CDKL2: variants seen among roughly 807,000 people sequenced by gnomAD.
CDKL2 encodes cyclin dependent kinase like 2.
In CDKL2, 64 loss-of-function variants were observed where a neutral mutation model predicts 63.9. That is an observed-to-expected ratio of 1.00 (90% CI 0.82 to 1.23). The LOEUF (loss-of-function observed/expected upper bound fraction) is 1.23. CDKL2 is among the 50% of genes most tolerant of loss of function. The pLI, the probability that CDKL2 is intolerant of heterozygous loss-of-function variation, is 0.00. For synonymous variants in CDKL2, 211 were observed against 229.2 expected (o/e 0.92, Z 0.72); for missense variants, 656 against 668.0 (o/e 0.98, Z 0.20).
At chr4:75,592,000 G>T (rs1311066411) in intron 11 of CDKL2, 75 bp from the exon 12 acceptor site, 5 of 1,315,354 alleles carry the variant, frequency 3.8e-6, no homozygotes, top group Non-Finnish European at 5.2e-6. Context: ...CATTCTCTAC[G>T]TGTTCCTCAG....
rs1730173954 is a variant in CDKL2 at position 75,621,951 on chromosome 4, T to C, written c.168+3870A>G. On this transcript the variant is annotated intron_variant, in intron 2 of 13. Transcript: ENST00000307465. ...AAAAGGGATTTAACTATACACAGAA[T>C]TTAACAATGTTACATAGCAGCAATA... 2.6e-5 allele frequency among the ~76,000 whole-genome samples: 4 copies of C among 152,148 alleles called. No homozygotes were observed. In the South Asian group the frequency reaches 8.3e-4, roughly 32 times the overall value.
chr4:75,619,977 T>C (rs1263364780), intron 2 of CDKL2, among the ~76,000 whole-genome samples: 2 of 152,128 alleles, frequency 1.3e-5, no homozygotes, highest in Non-Finnish European at 2.9e-5. Context: ...TTGAGCTCAG[T>C]AGTTTGAGAC....
chr4:75,585,112 A>G (rs1728419639), intron 12 of CDKL2, among the ~76,000 whole-genome samples: 1 of 152,242 alleles, frequency 6.6e-6, no homozygotes, highest in African/African-American at 2.4e-5. Flanking sequence ...AAGATTTACT[A>G]TGCAAACATA....
In CDKL2 at chr4:75,625,872, G is replaced by A. The variant is rs774325397; in HGVS notation, c.117C>T (p.Asp39=). The change falls in exon 2 of 14, where the codon GAC becomes GAT. Residue 39 remains aspartate (D), a synonymous_variant. Transcript: ENST00000307465. ...CAATCTTTTTAACCATTTTGTCATC[G>A]TCACTTTCTAAGAACTTCTTTATGG... ...IVAIKKFLES[D]DDKMVKKIAM... 63 of 1,612,394 alleles carry A rather than the reference G, an allele frequency of 3.9e-5. No homozygotes were observed. The highest frequency in any genetic ancestry group is 1.6e-4 in the Middle Eastern group (1 of 6,076).
rs1728083641 is a variant in CDKL2 at position 75,577,729 on chromosome 4, T to C, written c.*1473A>G. 6.6e-6 allele frequency among the ~76,000 whole-genome samples: 1 copy of C among 152,226 alleles called. No individual in the cohort carries two copies. Reference sequence around the variant, plus strand: ...TTTTTCAGCATGTTATCCATACTAATGTTGTCAAACAGCTGGTCACAGATT... The same window carrying C: ...TTTTTCAGCATGTTATCCATACTAACGTTGTCAAACAGCTGGTCACAGATT... On this transcript the variant is annotated 3_prime_UTR_variant, in exon 14 of 14. Coordinates refer to ENST00000307465, the MANE Select transcript of CDKL2 (RefSeq NM_001330724.2).
chr4:75,589,657 G>T (rs1303332943), intron 12 of CDKL2, among the ~76,000 whole-genome samples: 1 of 151,906 alleles, frequency 6.6e-6, no homozygotes, highest in Non-Finnish European at 1.5e-5. Flanking sequence ...TCCATTTTCA[G>T]GTATTTACCA....
chr4:75,623,343 G>C (rs1178466464), intron 2 of CDKL2, among the ~76,000 whole-genome samples: 1 of 152,086 alleles, frequency 6.6e-6, no homozygotes, highest in Non-Finnish European at 1.5e-5. Flanking sequence ...TAAACAAATA[G>C]ACCAATGGGA....
Position 75,577,073 on chromosome 4 carries a change from CTTAA to C in CDKL2, c.*2125_*2128del, listed in dbSNP as rs1245397280. Reference sequence around the variant, plus strand: ...GTAGTGTATATATTATTTATAGCCTCTTAATTAAATAAATCTAAATTTAAACCAT... The same window carrying C: ...GTAGTGTATATATTATTTATAGCCTCTTAAATAAATCTAAATTTAAACCAT... On this transcript the variant is annotated 3_prime_UTR_variant, in exon 14 of 14. Transcript: ENST00000307465. Among the ~76,000 whole-genome samples, 3 of 152,058 alleles carry C rather than the reference CTTAA, an allele frequency of 2.0e-5. No individual in the cohort carries two copies. Among genetic ancestry groups the C allele is most frequent in the Non-Finnish European group, 2.9e-5 (2 of 67,998 alleles).
intron 3 of CDKL2, 94 bp downstream of exon 3, chr4:75,614,161 G>T: frequency 1.3e-6 from 1 of 771,358 alleles, no homozygotes; most frequent in Non-Finnish European, 2.1e-6. Flanking sequence ...ACTGATGTCT[G>T]CAACTTATTT....
chr4:75,577,557 A>T lies in CDKL2; in HGVS notation c.*1645T>A, dbSNP rs1381146905. ...GATATTCTCACACTGATCTTTACAT[A>T]AAAATAGTATTGAAATAAGCCGAAG... On this transcript the variant is annotated 3_prime_UTR_variant, in exon 14 of 14. Transcript: ENST00000307465. 6.6e-6 allele frequency among the ~76,000 whole-genome samples: 1 copy of T among 152,226 alleles called. No individual in the cohort carries two copies. Among genetic ancestry groups the T allele is most frequent in the African/African-American group, 2.4e-5 (1 of 41,464 alleles).
At chr4:75,604,388 G>A (rs938915439) in intron 5 of CDKL2, among the ~76,000 whole-genome samples, 2 of 152,054 alleles carry the variant, frequency 1.3e-5, no homozygotes, top group South Asian at 2.1e-4. Context: ...ATATCTAGTT[G>A]AATGTAGAAT....
chr4:75,622,623 C>T (rs1192218234), intron 2 of CDKL2, among the ~76,000 whole-genome samples: 1 of 136,986 alleles, frequency 7.3e-6, no homozygotes, highest in African/African-American at 2.7e-5. Context: ...GAGGCTGAGG[C>T]AGGAGAATTG....
rs745828589 is a variant in CDKL2, at chr4:75,591,815, G to A, written c.1647+4C>T. 22 of 1,518,320 alleles carry A rather than the reference G, an allele frequency of 1.4e-5. No homozygotes were observed. The East Asian group carries it at 4.9e-4, about 34-fold the overall frequency. The allele number at this position is 1,518,320 out of a possible 1,614,324, so 94.1% of individuals were successfully genotyped here. A position where few individuals can be genotyped will look rare whatever the true frequency, so the allele number is the denominator to read the frequency against. ...TGTCCATCCTATAAAGAGTATTTCT[G>A]TACCTGATGTAATGTAATACTGGGG... On this transcript the variant is annotated splice_donor_region_variant and intron_variant, in intron 12 of 13. Coordinates refer to ENST00000307465, the MANE Select transcript of CDKL2 (RefSeq NM_001330724.2).
chr4:75,577,556 T>TA lies in CDKL2; in HGVS notation c.*1645dup, dbSNP rs1362300967. On this transcript the variant is annotated 3_prime_UTR_variant, in exon 14 of 14. Transcript: ENST00000307465. ...TGATATTCTCACACTGATCTTTACA[T>TA]AAAAATAGTATTGAAATAAGCCGAA... Among the ~76,000 whole-genome samples the TA allele has an allele frequency of 1.3e-5, 2 of 152,176 alleles. No individual in the cohort carries two copies. The highest frequency in any genetic ancestry group is 2.9e-5 in the Non-Finnish European group (2 of 68,016).
At chr4:75,583,297 C>T (rs1489052746) in intron 12 of CDKL2, among the ~76,000 whole-genome samples, 3 of 152,092 alleles carry the variant, frequency 2.0e-5, no homozygotes, top group Non-Finnish European at 4.4e-5. Context: ...AGCAATGTTC[C>T]TACTTTTTTT....
At chr4:75,618,239 CTTTTT>C (rs56002333) in intron 2 of CDKL2, among the ~76,000 whole-genome samples, 7 of 52,940 alleles carry the variant, frequency 1.3e-4, no homozygotes, top group African/African-American at 5.4e-4. Flanking sequence ...ATTGAAAATT[CTTTTT>C]TTTTTTTTTT....
intron 3 of CDKL2, among the ~76,000 whole-genome samples, chr4:75,611,698 A>T: frequency 7.3e-6 from 1 of 137,674 alleles, no homozygotes. Flanking sequence ...CTTGTTGCCC[A>T]GGCTGGAGTG....
At chr4:75,616,950 ACC>A (rs1729954979) in intron 2 of CDKL2, among the ~76,000 whole-genome samples, 6 of 152,134 alleles carry the variant, frequency 3.9e-5, no homozygotes, top group Non-Finnish European at 8.8e-5. Flanking sequence ...ACTGGGGCCT[ACC>A]GGAGGGCAAA....
rs1728046223 is a variant in CDKL2 at position 75,576,908 on chromosome 4, T to C, written c.*2294A>G. On this transcript the variant is annotated 3_prime_UTR_variant, in exon 14 of 14. Coordinates refer to ENST00000307465, the MANE Select transcript of CDKL2 (RefSeq NM_001330724.2). ...CAGGTTCTGTCACAACTATTACCAG[T>C]TAGTCTTTATAAGAAATGTTATTTT... Among the ~76,000 whole-genome samples, 1 of 152,198 alleles carries C rather than the reference T, an allele frequency of 6.6e-6. No homozygotes were observed. Among genetic ancestry groups the C allele is most frequent in the African/African-American group, 2.4e-5 (1 of 41,450 alleles).
Sources: gnomAD v4.1 joint callset for allele counts (sites outside exome capture counted in the v4.1 genomes callset) on GRCh38, gnomAD v4.1.1 for gene constraint, MANE v1.5 for transcripts, NCBI Gene and HGNC (gene_info 2026-07-23, HGNC 2026-07-21) for gene names.